The following PARVB variants were observed in gnomAD, a reference collection of about 807,000 sequenced individuals.
PARVB encodes beta-parvin.
In PARVB, 46 loss-of-function variants were observed where a neutral mutation model predicts 47.0. The observed-to-expected ratio is 0.98, with a 90% confidence interval of 0.77 to 1.25. PARVB has a LOEUF of 1.25. Among genes scored for constraint, PARVB ranks in the 50% most tolerant of loss-of-function variants. The pLI is 0.00. For missense variants in PARVB, 473 were observed against 471.6 expected (o/e 1.00, Z -0.03); for synonymous variants, 196 against 196.3 (o/e 1.00, Z 0.01).
At position 44,082,766 on chromosome 22, in the gene PARVB, T is replaced by C. The variant is rs556619765; in HGVS notation, c.113-11162T>C. Among the ~76,000 whole-genome samples the C allele has an allele frequency of 2.0e-5, 3 of 152,306 alleles. No individual in the cohort carries two copies. The South Asian group carries it at 6.2e-4, about 32-fold the overall frequency. On this transcript the variant is annotated intron_variant, in intron 1 of 12. Transcript: ENST00000338758. ...CACAAAGGATTCATTTTTCTGTGGTTCTAACATTTTCCTGATCACCCCAGG... is the reference window on the plus strand; with the variant it reads ...CACAAAGGATTCATTTTTCTGTGGTCCTAACATTTTCCTGATCACCCCAGG...
chr22:44,034,264 ATATATATG>A, intron 1 of PARVB, among the ~76,000 whole-genome samples: 1 of 125,020 alleles, frequency 8.0e-6, no homozygotes, highest in Non-Finnish European at 1.9e-5. Context: ...GTCTTTATAC[ATATATATG>A]TTTGAGATGG....
intron 1 of PARVB, among the ~76,000 whole-genome samples, chr22:44,029,288 G>A (rs2050783432): frequency 6.6e-6 from 1 of 152,256 alleles, no homozygotes; most frequent in Non-Finnish European, 1.5e-5. Flanking sequence ...CCCGGCCTTG[G>A]CCTATTTTTA....
chr22:44,072,335 C>A (rs1001628782), intron 1 of PARVB, among the ~76,000 whole-genome samples: 2 of 152,170 alleles, frequency 1.3e-5, no homozygotes, highest in Admixed American at 1.3e-4. Context: ...TCTCACCACC[C>A]TTTTGGGTTG....
chr22:44,115,520 G>GTACA (rs2052864342), intron 3 of PARVB: 1 of 27,578 alleles, frequency 3.6e-5, no homozygotes, highest in Admixed American at 3.1e-4. Flanking sequence ...CGGATACATT[G>GTACA]TTACTAAGTA....
At position 44,155,050 on chromosome 22, in the gene PARVB, GT is replaced by G. The variant is rs2053902124; in HGVS notation, c.844-2931del. Among the ~76,000 whole-genome samples, 1 of 133,376 alleles carries G rather than the reference GT, an allele frequency of 7.5e-6. No homozygotes were observed. 87.5% of individuals were successfully genotyped at this position (133,376 alleles called of 152,430 possible). On this transcript the variant is annotated intron_variant, in intron 10 of 12. Transcript: ENST00000338758. This position sits in a 1 kb window ranked among gnomAD's most constrained non-coding sequence, Gnocchi z 4.8. Reference sequence around the variant, plus strand: ...TAGTCTGTGTGGTGTGTGTGTGTGTGTGTGTGTGGTTTTTGTAGTCTGTGTG... The same window carrying G: ...TAGTCTGTGTGGTGTGTGTGTGTGTGGTGTGTGGTTTTTGTAGTCTGTGTG...
At chr22:44,117,429 G>A (rs985045254) in intron 3 of PARVB, among the ~76,000 whole-genome samples, 1 of 152,062 alleles carries the variant, frequency 6.6e-6, no homozygotes, top group African/African-American at 2.4e-5. Flanking sequence ...GGGGGTTCGG[G>A]TGCAGCCCTG....
chr22:44,141,629 C>G (rs562914791), intron 8 of PARVB: 20 of 152,364 alleles, frequency 1.3e-4, no homozygotes, highest in African/African-American at 4.8e-4. Flanking sequence ...CGCCTTGCAC[C>G]CTTCAATCCA....
At chr22:44,118,564 G>T (rs1255823576) in intron 3 of PARVB, among the ~76,000 whole-genome samples, 2 of 152,150 alleles carry the variant, frequency 1.3e-5, no homozygotes. Context: ...TATCTTGTGG[G>T]TCACCTTGAC....
At chr22:44,069,014 G>A in intron 1 of PARVB, 1 of 1,030,986 alleles carries the variant, frequency 9.7e-7, no homozygotes, top group Non-Finnish European at 1.4e-6. Context: ...TTCCTCAAAG[G>A]CTCCCCAAAG....
At chr22:44,145,133 A>G (rs891674567) in intron 8 of PARVB, 3 of 152,184 alleles carry the variant, frequency 2.0e-5, no homozygotes, top group Admixed American at 1.3e-4. Flanking sequence ...AGGACCGACA[A>G]TGCTCCTGCC....
At chr22:44,046,011 A>G (rs1045285678) in intron 1 of PARVB, among the ~76,000 whole-genome samples, 1 of 152,232 alleles carries the variant, frequency 6.6e-6, no homozygotes, top group Non-Finnish European at 1.5e-5. Context: ...TTTGGGTAGT[A>G]TCTTTAACAA....
chr22:44,163,005 T>C (rs1419674884), intron 11 of PARVB, among the ~76,000 whole-genome samples: 1 of 152,148 alleles, frequency 6.6e-6, no homozygotes, highest in Non-Finnish European at 1.5e-5. Flanking sequence ...TTCTGACTGG[T>C]CCACTGTCCC....
chr22:44,003,386 G>A (rs2050432388), intron 2 of PARVB, among the ~76,000 whole-genome samples: 1 of 152,106 alleles, frequency 6.6e-6, no homozygotes, highest in African/African-American at 2.4e-5. Flanking sequence ...ATGTGGCCTT[G>A]GGGATGAAAG....
intron 1 of PARVB, among the ~76,000 whole-genome samples, chr22:44,037,707 A>G (rs1389784085): frequency 6.6e-6 from 1 of 152,184 alleles, no homozygotes; most frequent in Non-Finnish European, 1.5e-5. Context: ...AAACTGGAAG[A>G]ATGATTCAGA....
chr22:44,035,132 A>G (rs1418695361), intron 1 of PARVB, among the ~76,000 whole-genome samples: 1 of 152,196 alleles, frequency 6.6e-6, no homozygotes, highest in East Asian at 1.9e-4. Flanking sequence ...TATGTGCTGT[A>G]TTCTTACTAC....
At chr22:44,146,444 A>T (rs967461457) in intron 8 of PARVB, 2 of 152,384 alleles carry the variant, frequency 1.3e-5, no homozygotes, top group African/African-American at 4.8e-5. Flanking sequence ...ACACGCGCAC[A>T]CACACGTACA....
chr22:44,115,830 A>G (rs2052879655), intron 3 of PARVB: 1 of 147,388 alleles, frequency 6.8e-6, no homozygotes, highest in East Asian at 2.0e-4. Context: ...CTAAGGCCCT[A>G]CACCAGAATG....
intron 2 of PARVB, among the ~76,000 whole-genome samples, chr22:44,097,997 G>A (rs925519658): frequency 6.6e-6 from 1 of 150,836 alleles, no homozygotes; most frequent in Non-Finnish European, 1.5e-5. Flanking sequence ...GGGGTCAGAC[G>A]TGGGCTCAGA....
chr22:44,121,184 G>A (rs1198693750), intron 4 of PARVB, among the ~76,000 whole-genome samples: 1 of 151,742 alleles, frequency 6.6e-6, no homozygotes, highest in Non-Finnish European at 1.5e-5. Context: ...ATTTTTTTGT[G>A]TTAGAGACAG....
Sources: gnomAD v4.1 joint callset for allele counts (sites outside exome capture counted in the v4.1 genomes callset) on GRCh38, gnomAD v4.1.1 for gene constraint, Gnocchi (gnomAD v3.1) non-coding constraint, MANE v1.5 for transcripts, NCBI Gene and HGNC (gene_info 2026-07-23, HGNC 2026-07-21) for gene names.